ACOXL: variants seen among roughly 807,000 people sequenced by gnomAD.
ACOXL encodes acyl-CoA oxidase like, also known as acyl-coenzyme A oxidase-like protein.
Under a neutral mutation model 71.9 loss-of-function variants are expected in ACOXL, and 70 were observed. The observed-to-expected ratio is 0.97, with a 90% CI of 0.80 to 1.19. The LOEUF is 1.19. ACOXL is among the 50% of genes most tolerant of loss of function. The pLI is 0.00. For synonymous variants in ACOXL, 253 were observed against 281.6 expected, an observed-to-expected ratio of 0.90 and a Z score of 1.02; for missense variants, 703 against 736.3, an observed-to-expected ratio of 0.95 and a Z score of 0.52.
intron 12 of ACOXL, among the ~76,000 whole-genome samples, chr2:110,970,158 C>T (rs533789273): frequency 5.3e-5 from 8 of 152,040 alleles, no homozygotes; most frequent in Non-Finnish European, 1.0e-4. Flanking sequence ...TACTCTGATA[C>T]TAAAAGTAGA....
intron 12 of ACOXL, among the ~76,000 whole-genome samples, chr2:110,984,359 C>T (rs1008460295): frequency 6.6e-6 from 1 of 152,088 alleles, no homozygotes; most frequent in Non-Finnish European, 1.5e-5. Flanking sequence ...CACACTCAGT[C>T]TAGGTGGTGA....
intron 1 of ACOXL, among the ~76,000 whole-genome samples, chr2:110,758,255 C>A (rs890442751): frequency 2.0e-5 from 3 of 152,114 alleles, no homozygotes; most frequent in African/African-American, 7.2e-5. Flanking sequence ...GTCTATGTGT[C>A]TGTTCTTGTA....
intron 16 of ACOXL, among the ~76,000 whole-genome samples, chr2:111,058,569 C>A (rs2066657691): frequency 2.0e-5 from 3 of 152,260 alleles, no homozygotes; most frequent in Admixed American, 2.0e-4. Flanking sequence ...CTCTCTGCAC[C>A]TGCTTAACTC....
At chr2:110,864,867 C>T (rs1315861171) in intron 10 of ACOXL, among the ~76,000 whole-genome samples, 1 of 152,220 alleles carries the variant, frequency 6.6e-6, no homozygotes, top group Non-Finnish European at 1.5e-5. Flanking sequence ...TCCAGGCTGT[C>T]AGGCTGTTGT....
chr2:110,836,014 G>GT (rs1232028963), intron 9 of ACOXL, among the ~76,000 whole-genome samples: 1 of 152,222 alleles, frequency 6.6e-6, no homozygotes, highest in Non-Finnish European at 1.5e-5. Context: ...AAAGCTCACT[G>GT]TTACTTCCAC....
intron 16 of ACOXL, among the ~76,000 whole-genome samples, chr2:111,087,894 T>G (rs1396056540): frequency 6.6e-6 from 1 of 152,166 alleles, no homozygotes; most frequent in Middle Eastern, 3.2e-3. Context: ...TTGCAAACTA[T>G]ACATCTGACA....
chr2:111,043,244 C>G (rs1356602971), intron 15 of ACOXL, among the ~76,000 whole-genome samples: 1 of 152,202 alleles, frequency 6.6e-6, no homozygotes, highest in African/African-American at 2.4e-5. Context: ...GCTCCACACC[C>G]CCCACCACAT....
At chr2:110,915,202 T>G (rs913377026) in intron 11 of ACOXL, among the ~76,000 whole-genome samples, 1 of 151,810 alleles carries the variant, frequency 6.6e-6, no homozygotes, top group African/African-American at 2.4e-5. Flanking sequence ...TATGTTCAAT[T>G]TTGACACAAT....
At chr2:111,017,710 C>T (rs952302875) in intron 14 of ACOXL, among the ~76,000 whole-genome samples, 2 of 152,148 alleles carry the variant, frequency 1.3e-5, no homozygotes, top group Non-Finnish European at 2.9e-5. Flanking sequence ...GAACCATGGC[C>T]ACTTACTGAC....
At chr2:110,787,661 G>C (rs538313141) in intron 3 of ACOXL, among the ~76,000 whole-genome samples, 1 of 151,986 alleles carries the variant, frequency 6.6e-6, no homozygotes, top group South Asian at 2.1e-4. Flanking sequence ...TGTTGCCCAT[G>C]GGTCCTTGCA....
chr2:110,746,237 G>A (rs80042531), intron 1 of ACOXL, among the ~76,000 whole-genome samples: 2,322 of 152,200 alleles, frequency 0.015, 29 homozygotes, highest in Non-Finnish European at 0.024. Context: ...ATGCCTTTAC[G>A]GAACATATGC....
At chr2:110,845,721 A>C (rs553403775) in intron 10 of ACOXL, among the ~76,000 whole-genome samples, 1 of 152,358 alleles carries the variant, frequency 6.6e-6, no homozygotes, top group South Asian at 2.1e-4. Context: ...TTAACTTAGC[A>C]TAATTCTTCA....
intron 1 of ACOXL, among the ~76,000 whole-genome samples, chr2:110,763,972 A>G (rs1680718794): frequency 6.6e-6 from 1 of 152,246 alleles, no homozygotes; most frequent in Admixed American, 6.5e-5. Context: ...TTAGGGCTAC[A>G]CACATTAAAA....
intron 12 of ACOXL, among the ~76,000 whole-genome samples, chr2:110,952,355 C>T (rs554620616): frequency 1.3e-5 from 2 of 152,086 alleles, no homozygotes; most frequent in Non-Finnish European, 2.9e-5. Flanking sequence ...TTTCCACAGC[C>T]GCCTTGTCAC....
chr2:110,845,091 A>G (rs1453858023), intron 10 of ACOXL, among the ~76,000 whole-genome samples: 2 of 152,232 alleles, frequency 1.3e-5, no homozygotes, highest in Non-Finnish European at 2.9e-5. Context: ...ACAAAATACC[A>G]TAGACTGGGT....
intron 14 of ACOXL, among the ~76,000 whole-genome samples, chr2:110,997,849 G>A (rs2063466077): frequency 6.6e-6 from 1 of 152,166 alleles, no homozygotes; most frequent in Non-Finnish European, 1.5e-5. Context: ...GAGCTCAGGA[G>A]ACCAGCCTGG....
intron 1 of ACOXL, among the ~76,000 whole-genome samples, chr2:110,740,512 C>T: frequency 6.6e-6 from 1 of 152,334 alleles, no homozygotes; most frequent in African/African-American, 2.4e-5. Flanking sequence ...TCCCCATTAA[C>T]ATACATAAAT....
At chr2:111,018,318 TGGA>T (rs2064561540) in intron 14 of ACOXL, among the ~76,000 whole-genome samples, 1 of 152,096 alleles carries the variant, frequency 6.6e-6, no homozygotes, top group Admixed American at 6.5e-5. Context: ...GAACTGAGTC[TGGA>T]ATAACAAATG....
At chr2:110,856,383 G>C (rs1268918659) in intron 10 of ACOXL, among the ~76,000 whole-genome samples, 1 of 152,164 alleles carries the variant, frequency 6.6e-6, no homozygotes, top group Non-Finnish European at 1.5e-5. Context: ...GTGTCACAGT[G>C]CTTGTGTTTA....
Sources: allele counts gnomAD v4.1 joint callset (sites outside exome capture counted in the v4.1 genomes callset), GRCh38; gene constraint gnomAD v4.1.1; transcripts MANE v1.5; gene names NCBI Gene and HGNC (gene_info 2026-07-23, HGNC 2026-07-21).